ARFGEF3: variants seen among roughly 807,000 people sequenced by gnomAD.
The protein encoded by ARFGEF3 is brefeldin A-inhibited guanine nucleotide-exchange protein 3.
A neutral mutation model predicts 221.7 loss-of-function variants in ARFGEF3; 96 were observed. The ratio of observed to expected loss-of-function variants is 0.43; its 90% CI spans 0.37 to 0.51. The LOEUF (loss-of-function observed/expected upper bound fraction) is 0.51. Among genes scored for constraint, ARFGEF3 ranks in the 20% least tolerant of loss-of-function variants. The pLI, the probability that ARFGEF3 is intolerant of heterozygous loss-of-function variation, is 0.00. For missense variants in ARFGEF3, 2,410 were observed against 2,789.9 expected (o/e 0.86, Z 3.07); for synonymous variants, 1,145 against 1,126.8 (o/e 1.02, Z -0.32).
chr6:138,207,987 G>T (rs1188358580), intron 3 of ARFGEF3, among the ~76,000 whole-genome samples: 5 of 152,104 alleles, frequency 3.3e-5, no homozygotes, highest in African/African-American at 1.2e-4. Flanking sequence ...AGCAGCATTT[G>T]AATATTTTAA....
chr6:138,320,233 G>C (rs1265349774), intron 28 of ARFGEF3, among the ~76,000 whole-genome samples: 2 of 151,424 alleles, frequency 1.3e-5, no homozygotes, highest in Non-Finnish European at 3.0e-5. Flanking sequence ...GTAGCCTGTG[G>C]GGGGGTAGCG....
chr6:138,248,878 G>A (rs1778532818), intron 8 of ARFGEF3, among the ~76,000 whole-genome samples: 1 of 152,142 alleles, frequency 6.6e-6, no homozygotes, highest in Non-Finnish European at 1.5e-5. Flanking sequence ...AAGGCAGAAT[G>A]AGTCTGTAGG....
At chr6:138,271,392 C>T (rs889817635) in intron 12 of ARFGEF3, among the ~76,000 whole-genome samples, 1 of 152,062 alleles carries the variant, frequency 6.6e-6, no homozygotes, top group Non-Finnish European at 1.5e-5. Flanking sequence ...CATTTTTCAT[C>T]ATATGAATGT....
chr6:138,162,210 G>C lies in ARFGEF3; in HGVS notation c.85+39G>C. ...ACCTGCTCGCCGCGGCGGGAGGGCC[G>C]CGCGGCCGGGGCTGAACCCGCGCCT... On this transcript the variant is annotated intron_variant, in intron 1 of 33. Transcript: ENST00000251691. This position sits in a 1 kb window ranked among gnomAD's most constrained non-coding sequence, Gnocchi z 4.7. 1 of 1,520,456 alleles carries C rather than the reference G, an allele frequency of 6.6e-7. No individual in the cohort carries two copies. The highest frequency in any genetic ancestry group is 1.4e-5 in the African/African-American group (1 of 70,968). 94.2% of individuals were successfully genotyped at this position (1,520,456 alleles called of 1,614,324 possible).
chr6:138,252,068 A>G (rs78690070), intron 8 of ARFGEF3, among the ~76,000 whole-genome samples: 6,474 of 152,216 alleles, frequency 0.043, 435 homozygotes, highest in African/African-American at 0.15. Flanking sequence ...CTCTTGGCAA[A>G]TAGTAATAAC....
At chr6:138,218,265 A>G (rs775726606) in intron 4 of ARFGEF3, 1 of 1,609,326 alleles carries the variant, frequency 6.2e-7, no homozygotes, top group South Asian at 1.1e-5. Context: ...TGGTAAGAGC[A>G]CAGTTTCTGG....
Position 138,245,554 on chromosome 6 carries a change from C to T in ARFGEF3, c.628C>T (p.Leu210Phe), listed in dbSNP as rs2114560007. ...ESLCDDVVSV[L>F]TVLCEKLQAA... Reference sequence around the variant, plus strand: ...CCTCTGTGATGATGTTGTCTCTGTACTCACCGTCCTGTGTGAGAAGCTGCA... The same window carrying T: ...CCTCTGTGATGATGTTGTCTCTGTATTCACCGTCCTGTGTGAGAAGCTGCA... The change falls in exon 8 of 34, where the codon CTC becomes TTC. Residue 210 changes from leucine to phenylalanine, a missense_variant. Leu to Phe is a conservative substitution (Grantham distance 22, BLOSUM62 0). Coordinates refer to ENST00000251691, the MANE Select transcript of ARFGEF3 (RefSeq NM_020340.5). 6.2e-7 allele frequency: 1 copy of T among 1,610,502 alleles called. No individual in the cohort carries two copies. The highest frequency in any genetic ancestry group is 2.2e-5 in the East Asian group (1 of 44,748).
At chr6:138,327,944 G>A in intron 31 of ARFGEF3, 77 bp from the exon 32 acceptor site, 2 of 1,262,220 alleles carry the variant, frequency 1.6e-6, no homozygotes, top group African/African-American at 1.5e-5. Context: ...AACTTGCCCA[G>A]GGTCATCCAG....
At position 138,298,643 on chromosome 6, in the gene ARFGEF3, C is replaced by T; in HGVS notation, c.3686C>T (p.Ala1229Val). The change falls in exon 22 of 34, where the codon GCT (alanine) becomes GTT (valine). Residue 1229 changes from alanine to valine, a missense_variant. This residue lies in a region of ARFGEF3 where 723 missense variants were observed against 991.9 expected (regional missense o/e 0.73). Transcript: ENST00000251691. ...CHKERHVSQK[A>V]VSFIHDILTE... is the part of the protein sequence containing the mutation. ...AAGGAAAGACATGTGTCTCAGAAGG[C>T]TGTTTCCTTCATCCATGACATACTG... The T allele has an allele frequency of 6.2e-7, 1 of 1,613,380 alleles. No homozygotes were observed. Among genetic ancestry groups the T allele is most frequent in the Non-Finnish European group, 8.5e-7 (1 of 1,179,682 alleles).
At chr6:138,229,934 C>T (rs1182970828) in intron 5 of ARFGEF3, 82 bp downstream of exon 5, 2 of 1,147,288 alleles carry the variant, frequency 1.7e-6, no homozygotes, top group Non-Finnish European at 2.6e-6. Context: ...GAACTAAGCC[C>T]CAGCACTGGA....
At position 138,229,778 on chromosome 6, in the gene ARFGEF3, T is replaced by C; in HGVS notation, c.352-6T>C. 3.1e-6 allele frequency: 5 copies of C among 1,612,062 alleles called. No individual in the cohort carries two copies. Among genetic ancestry groups the C allele is most frequent in the Non-Finnish European group, 4.2e-6 (5 of 1,178,206 alleles). On this transcript the variant is annotated splice_polypyrimidine_tract_variant and splice_region_variant and intron_variant, in intron 4 of 33. Transcript: ENST00000251691. ...GTCTCTTCTTTCATCTCTCACCTTG[T>C]TAAAGGTTTTACTATGCATCACCTA...
rs1393070118 is a variant in ARFGEF3 at position 138,323,734 on chromosome 6, C to T, written c.4830C>T (p.Ala1610=). The T allele has an allele frequency of 6.2e-7, 1 of 1,613,986 alleles. No homozygotes were observed. ...AGATGTGGAGGCTTGCCTGCTGTGCCCTGCAAGATGCGTTCTCTGCCACAC... is the reference window on the plus strand; with the variant it reads ...AGATGTGGAGGCTTGCCTGCTGTGCTCTGCAAGATGCGTTCTCTGCCACAC... ...TEEMWRLACC[A]LQDAFSATLK... The change falls in exon 30 of 34, where the codon GCC becomes GCT. Residue 1610 remains alanine (A), a synonymous_variant. Transcript: ENST00000251691.
At chr6:138,312,882 G>T (rs1779855320) in intron 25 of ARFGEF3, among the ~76,000 whole-genome samples, 1 of 152,096 alleles carries the variant, frequency 6.6e-6, no homozygotes, top group South Asian at 2.1e-4. Context: ...GCTAATTTTT[G>T]TATTTTTAGT....
At chr6:138,260,510 A>G (rs1583036537) in intron 10 of ARFGEF3, among the ~76,000 whole-genome samples, 1 of 152,232 alleles carries the variant, frequency 6.6e-6, no homozygotes, top group South Asian at 2.1e-4. Context: ...AACAGTCTAC[A>G]TATGAAAACT....
At chr6:138,288,046 A>C (rs752011827) in intron 17 of ARFGEF3, among the ~76,000 whole-genome samples, 34 of 152,160 alleles carry the variant, frequency 2.2e-4, no homozygotes, top group Non-Finnish European at 4.6e-4. Context: ...TAAAAAAAAA[A>C]CCACAAAACC....
chr6:138,205,694 T>A (rs1777612789), intron 2 of ARFGEF3, among the ~76,000 whole-genome samples: 1 of 152,244 alleles, frequency 6.6e-6, no homozygotes, highest in Non-Finnish European at 1.5e-5. Flanking sequence ...TTTATCCATC[T>A]GTCAAAGGAT....
At chr6:138,201,417 C>T (rs893597560) in intron 2 of ARFGEF3, among the ~76,000 whole-genome samples, 1 of 152,202 alleles carries the variant, frequency 6.6e-6, no homozygotes, top group African/African-American at 2.4e-5. Context: ...GTGGAACCAA[C>T]TCAAATGCCC....
rs1440056672 is a variant in ARFGEF3, at chr6:138,316,819, A to G, written c.4346-432A>G. Among the ~76,000 whole-genome samples the G allele has an allele frequency of 5.3e-5, 8 of 152,358 alleles. No homozygotes were observed. In the South Asian group the frequency reaches 1.5e-3, roughly 28 times the overall value. On this transcript the variant is annotated intron_variant, in intron 26 of 33. Transcript: ENST00000251691. The stretch of plus-strand genomic sequence containing the variant: ...GTGATAGTCGCACAACATTGTTGTC[A>G]TGAATACCTCTGAATTGTACTCGTA...
chr6:138,231,814 A>G (rs746242682), intron 5 of ARFGEF3, among the ~76,000 whole-genome samples: 13 of 152,108 alleles, frequency 8.5e-5, no homozygotes, highest in Non-Finnish European at 1.6e-4. Flanking sequence ...AAATGAGGCT[A>G]TTTCCCCAAG....
Sources: gnomAD v4.1 joint callset for allele counts (sites outside exome capture counted in the v4.1 genomes callset) on GRCh38, gnomAD v4.1.1 for gene constraint, gnomAD v4.1.1 regional missense constraint, Gnocchi (gnomAD v3.1) non-coding constraint, MANE v1.5 for transcripts, NCBI Gene and HGNC (gene_info 2026-07-23, HGNC 2026-07-21) for gene names.